LIMD2: variants seen among roughly 807,000 people sequenced by gnomAD.
The protein encoded by LIMD2 is LIM domain-containing protein 2.
LIMD2 carries 11 observed loss-of-function variants against 16.0 expected under a neutral mutation model. The observed-to-expected ratio is 0.69, with a 90% CI of 0.43 to 1.14. The LOEUF (loss-of-function observed/expected upper bound fraction) is 1.14. LIMD2 is among the 50% of genes most tolerant of loss of function. The pLI is 0.00. For synonymous variants in LIMD2, 60 were observed against 67.1 expected (o/e 0.89, Z 0.52); for missense variants, 168 against 165.8 (o/e 1.01, Z -0.07).
chr17:63,699,760 C>T, intron 1 of LIMD2: 1 of 819,314 alleles, frequency 1.2e-6, no homozygotes, highest in Non-Finnish European at 1.5e-6. Context: ...AGCCCCTGGA[C>T]AGCGCCCGAG....
intron 1 of LIMD2, 109 bp from the exon 2 acceptor site, chr17:63,699,457 AGTCATTT>A: frequency 9.5e-7 from 1 of 1,048,688 alleles, no homozygotes; most frequent in South Asian, 1.7e-5. Flanking sequence ...ACTTTCCCTA[AGTCATTT>A]CCTGTTGCTC....
In LIMD2 at chr17:63,698,904, C is replaced by T; in HGVS notation, c.119G>A (p.Cys40Tyr). Residue 40 changes from cysteine (C) to tyrosine (Y), a missense_variant, in exon 4 of 5, where the codon TGC (cysteine) becomes TAC (tyrosine). Physicochemically the swap from Cys to Tyr is radical, Grantham distance 194. Coordinates refer to ENST00000259006, the MANE Select transcript of LIMD2 (RefSeq NM_030576.4). Reference sequence around the variant, plus strand: ...GTACACGGTCTTCTGGCAGGCGGCGCAGGTCTCCTTCACCTGGGCCCGCAG... The same window carrying T: ...GTACACGGTCTTCTGGCAGGCGGCGTAGGTCTCCTTCACCTGGGCCCGCAG... ...FSLRAQVKET[C>Y]AACQKTVYPM... 6.2e-7 allele frequency: 1 copy of T among 1,612,824 alleles called. No homozygotes were observed. Among genetic ancestry groups the T allele is most frequent in the Non-Finnish European group, 8.5e-7 (1 of 1,179,932 alleles).
At chr17:63,699,222 G>A (rs2035744963) in intron 2 of LIMD2, 35 bp downstream of exon 2, 4 of 1,609,630 alleles carry the variant, frequency 2.5e-6, no homozygotes, top group Non-Finnish European at 3.4e-6. Flanking sequence ...CCAGGCTCCT[G>A]TCCGGGGGGC....
Position 63,699,537 on chromosome 17 carries a change from C to T in LIMD2, c.-50-189G>A, listed in dbSNP as rs866334574. 3.3e-5 allele frequency: 18 copies of T among 549,644 alleles called. 1 individual carries two copies. Among genetic ancestry groups the T allele is most frequent in the Middle Eastern group, 9.9e-4 (2 of 2,012 alleles). The allele number at this position is 549,644 out of a possible 1,614,324, so 34.0% of individuals were successfully genotyped here. A position where few individuals can be genotyped will look rare whatever the true frequency, so the allele number is the denominator to read the frequency against. On this transcript the variant is annotated intron_variant, in intron 1 of 4. Transcript: ENST00000259006. ...ACCCCTGCTCCCCAGGGGCCGGGGT[C>T]CCGAGTGGCACCGTCCCTCGGAAGA...
In LIMD2 at chr17:63,696,095, G is replaced by A. The variant is rs1480358863; in HGVS notation, c.*2457C>T. ...GGCCAACTCTGCATGGAGAGGCCAG[G>A]GCTGGGGACAGTCCGCACTCTGCCA... On this transcript the variant is annotated 3_prime_UTR_variant, in exon 5 of 5. Coordinates refer to ENST00000259006, the MANE Select transcript of LIMD2 (RefSeq NM_030576.4). The A allele has an allele frequency of 2.0e-5, 3 of 152,490 alleles. No individual in the cohort carries two copies. The East Asian group carries it at 5.8e-4, about 30-fold the overall frequency. The allele number at this position is 152,490 out of a possible 1,614,324, so 9.4% of individuals were successfully genotyped here. A position where few individuals can be genotyped will look rare whatever the true frequency, so the allele number is the denominator to read the frequency against.
At position 63,698,581 on chromosome 17, in the gene LIMD2, CCTT is replaced by C. The variant is rs1568162390; in HGVS notation, c.352_354del (p.Lys118del). Reference sequence around the variant, plus strand: ...GCCGTCTTGGTGCCGGGGTCCACCTCCTTGTGGGCCCAGAGCTCCTTGTGCTGC... The same window carrying C: ...GCCGTCTTGGTGCCGGGGTCCACCTCGTGGGCCCAGAGCTCCTTGTGCTGC... On this transcript the variant is annotated inframe_deletion, in exon 5 of 5. Coordinates refer to ENST00000259006, the MANE Select transcript of LIMD2 (RefSeq NM_030576.4). The C allele has an allele frequency of 3.7e-6, 6 of 1,613,812 alleles. No individual in the cohort carries two copies. The highest frequency in any genetic ancestry group is 4.2e-6 in the Non-Finnish European group (5 of 1,180,010).
chr17:63,698,513 C>A lies in LIMD2; in HGVS notation c.*39G>T. The A allele has an allele frequency of 6.2e-7, 1 of 1,605,514 alleles. No homozygotes were observed. The highest frequency in any genetic ancestry group is 8.5e-7 in the Non-Finnish European group (1 of 1,176,414). On this transcript the variant is annotated 3_prime_UTR_variant, in exon 5 of 5. Coordinates refer to ENST00000259006, the MANE Select transcript of LIMD2 (RefSeq NM_030576.4). ...CCTTCCCACCTTCCCCCTGCCGGCT[C>A]CAGGCCTTCCGCAGAGGGGGTGGAA...
intron 1 of LIMD2, 79 bp from the exon 2 acceptor site, chr17:63,699,427 C>T: frequency 1.5e-6 from 2 of 1,376,432 alleles, no homozygotes; most frequent in Admixed American, 2.9e-5. Flanking sequence ...CAGGCAGGGG[C>T]TGGGGGGATT....
upstream of LIMD2, chr17:63,700,815 G>GCCCCGGCAC (rs2035774641): frequency 6.6e-6 from 1 of 151,704 alleles, no homozygotes; most frequent in African/African-American, 2.4e-5. This position sits in a 1 kb window ranked among gnomAD's most constrained non-coding sequence, Gnocchi z 7.1. Context: ...GGGCCCGGCA[G>GCCCCGGCAC]CCCCGGCAGC....
intron 1 of LIMD2, 52 bp downstream of exon 1, chr17:63,699,980 C>T: frequency 1.0e-6 from 1 of 984,002 alleles, no homozygotes; most frequent in African/African-American, 1.7e-5. Context: ...CACCCCTCGG[C>T]GCCTCTCCCG....
At chr17:63,698,995 C>T (rs1204507978) in intron 3 of LIMD2, 33 bp downstream of exon 3, 1 of 1,610,046 alleles carries the variant, frequency 6.2e-7, no homozygotes, top group African/African-American at 1.3e-5. Context: ...CCCTCACACC[C>T]CTCCTCCCGC....
Position 63,698,487 on chromosome 17 carries a change from T to A in LIMD2, c.*65A>T. 6.4e-7 allele frequency: 1 copy of A among 1,563,830 alleles called. No homozygotes were observed. Among genetic ancestry groups the A allele is most frequent in the Non-Finnish European group, 8.7e-7 (1 of 1,154,400 alleles). On this transcript the variant is annotated 3_prime_UTR_variant, in exon 5 of 5. Coordinates refer to ENST00000259006, the MANE Select transcript of LIMD2 (RefSeq NM_030576.4). ...GCCCCCACGCAAGCCCAGCTCGACC[T>A]CCTTCCCACCTTCCCCCTGCCGGCT...
chr17:63,699,129 A>G, intron 2 of LIMD2, 60 bp from the exon 3 acceptor site: 2 of 1,578,432 alleles, frequency 1.3e-6, no homozygotes, highest in Admixed American at 1.8e-5. Context: ...TCAGGGCTGC[A>G]GCCATCAGCC....
rs996780142 is a variant in LIMD2, at chr17:63,698,272, G to A, written c.*280C>T. 6.3e-6 allele frequency: 3 copies of A among 477,098 alleles called. No individual in the cohort carries two copies. Among genetic ancestry groups the A allele is most frequent in the African/African-American group, 5.9e-5 (3 of 50,920 alleles). 29.6% of individuals were successfully genotyped at this position (477,098 alleles called of 1,614,324 possible). On this transcript the variant is annotated 3_prime_UTR_variant, in exon 5 of 5. Coordinates refer to ENST00000259006, the MANE Select transcript of LIMD2 (RefSeq NM_030576.4). Reference sequence around the variant, plus strand: ...CTAGATAGGGGAGCTGGGCTTGGGGGCCTCCCAGGGGGTCCTGGGGTGAGG... The same window carrying A: ...CTAGATAGGGGAGCTGGGCTTGGGGACCTCCCAGGGGGTCCTGGGGTGAGG...
intron 1 of LIMD2, 80 bp from the exon 2 acceptor site, chr17:63,699,428 TGGG>T: frequency 7.3e-7 from 1 of 1,362,444 alleles, no homozygotes; most frequent in Non-Finnish European, 9.8e-7. Flanking sequence ...AGGCAGGGGC[TGGG>T]GGGATTGCGG....
In LIMD2 at chr17:63,698,469, C is replaced by T. The variant is rs145116883; in HGVS notation, c.*83G>A. 2.9e-4 allele frequency: 435 copies of T among 1,498,182 alleles called. 7 individuals are homozygous for T. The East Asian group carries it at 0.01, about 35-fold the overall frequency. The allele number at this position is 1,498,182 out of a possible 1,614,324, so 92.8% of individuals were successfully genotyped here. ...TCATCCCCTTCCCACCTGGCCCCCA[C>T]GCAAGCCCAGCTCGACCTCCTTCCC... On this transcript the variant is annotated 3_prime_UTR_variant, in exon 5 of 5. Coordinates refer to ENST00000259006, the MANE Select transcript of LIMD2 (RefSeq NM_030576.4).
At position 63,698,686 on chromosome 17, in the gene LIMD2, CGTGCA is replaced by C; in HGVS notation, c.245_249del (p.Leu82ArgfsTer14). On this transcript the variant is annotated frameshift_variant, in exon 5 of 5. Transcript: ENST00000259006. LOFTEE classifies it high-confidence loss of function. ...AAGTGGGGTTTGCAGTAGAACTCCC[CGTGCA>C]GCGCGGCGTAGCTGCCCAGGCTGCA... 1 of 1,613,444 alleles carries C rather than the reference CGTGCA, an allele frequency of 6.2e-7. No homozygotes were observed. The highest frequency in any genetic ancestry group is 8.5e-7 in the Non-Finnish European group (1 of 1,179,932).
chr17:63,700,299 C>A (rs1259381145), upstream of LIMD2: 1 of 382,386 alleles, frequency 2.6e-6, no homozygotes, highest in African/African-American at 2.2e-5. The surrounding 1 kb of genome is among the most constrained non-coding windows in gnomAD (Gnocchi z 7.1). Flanking sequence ...CTTTGTCTGT[C>A]CCCCGCCCCG....
Position 63,698,730 on chromosome 17 carries a change from G to A in LIMD2, c.225-19C>T, listed in dbSNP as rs1459292567. 6 of 1,613,180 alleles carry A rather than the reference G, an allele frequency of 3.7e-6. No homozygotes were observed. In the East Asian group the frequency reaches 1.1e-4, roughly 30 times the overall value. On this transcript the variant is annotated intron_variant, in intron 4 of 4. Transcript: ENST00000259006. The stretch of plus-strand genomic sequence containing the variant: ...GCCCAGGCTGCAGAAGCCAAACAAC[G>A]GCGTCAGGTCAGGTCAGGTCGGGGC...
Sources: allele counts gnomAD v4.1 joint callset, GRCh38; gene constraint gnomAD v4.1.1; non-coding constraint Gnocchi (gnomAD v3.1); transcripts MANE v1.5; gene names NCBI Gene and HGNC (gene_info 2026-07-23, HGNC 2026-07-21).